CCDC15: variants seen among roughly 807,000 people sequenced by gnomAD.
The protein encoded by CCDC15 is coiled-coil domain-containing protein 15.
CCDC15 carries 105 observed loss-of-function variants against 114.5 expected under a neutral mutation model. The ratio of observed to expected loss-of-function variants is 0.92; its 90% CI spans 0.78 to 1.08. The LOEUF is 1.08. Among genes scored for constraint, CCDC15 ranks in the 50% least tolerant of loss-of-function variants. CCDC15 has a pLI of 0.00. For missense variants in CCDC15, 1,105 were observed against 1,093.6 expected (o/e 1.01, Z -0.15); for synonymous variants, 334 against 377.8 (o/e 0.88, Z 1.34).
intron 6 of CCDC15, among the ~76,000 whole-genome samples, chr11:124,982,999 C>A (rs966893449): frequency 3.9e-5 from 6 of 151,988 alleles, no homozygotes; most frequent in Admixed American, 2.0e-4. Flanking sequence ...CTTCTTTATT[C>A]TTTTTTCTTT....
At chr11:124,997,001 G>C (rs1353225418) in intron 11 of CCDC15, among the ~76,000 whole-genome samples, 2 of 152,082 alleles carry the variant, frequency 1.3e-5, no homozygotes, top group East Asian at 3.8e-4. Context: ...GTTGTGTAAG[G>C]TTCCTTTTGC....
intron 5 of CCDC15, among the ~76,000 whole-genome samples, chr11:124,975,647 A>G (rs749285465): frequency 1.3e-5 from 2 of 152,150 alleles, no homozygotes; most frequent in Non-Finnish European, 2.9e-5. Context: ...AATATAGAAT[A>G]TAATTTCAAG....
At chr11:125,032,677 G>A (rs1001314117) in intron 13 of CCDC15, among the ~76,000 whole-genome samples, 9 of 152,248 alleles carry the variant, frequency 5.9e-5, no homozygotes, top group East Asian at 3.9e-4. Flanking sequence ...CTTTCCCACC[G>A]TAATAGCCCT....
chr11:124,958,003 G>C (rs1228332362), intron 2 of CCDC15, among the ~76,000 whole-genome samples: 1 of 152,144 alleles, frequency 6.6e-6, no homozygotes, highest in Non-Finnish European at 1.5e-5. Context: ...CTACTAGTTA[G>C]CTATATTAAA....
At chr11:124,988,480 A>G (rs887428442) in intron 8 of CCDC15, among the ~76,000 whole-genome samples, 3 of 152,162 alleles carry the variant, frequency 2.0e-5, no homozygotes, top group African/African-American at 2.4e-5. Flanking sequence ...GTCTTGGCTC[A>G]ATGTTGTTAT....
intron 6 of CCDC15, among the ~76,000 whole-genome samples, chr11:124,982,836 T>C (rs907705120): frequency 3.3e-5 from 5 of 152,214 alleles, no homozygotes; most frequent in Admixed American, 2.6e-4. Flanking sequence ...AATGTTGGCC[T>C]CTCTAGCCAG....
At chr11:124,957,032 A>G (rs1326888411) in intron 2 of CCDC15, among the ~76,000 whole-genome samples, 1 of 152,226 alleles carries the variant, frequency 6.6e-6, no homozygotes, top group Non-Finnish European at 1.5e-5. Flanking sequence ...CTGCTGTTCT[A>G]TCATCATATA....
At chr11:125,010,144 C>A (rs1948580082) in intron 13 of CCDC15, among the ~76,000 whole-genome samples, 1 of 152,168 alleles carries the variant, frequency 6.6e-6, no homozygotes, top group Non-Finnish European at 1.5e-5. Context: ...AATGAATAAG[C>A]ATTCCCTTTT....
chr11:125,031,227 T>A (rs1457363363), intron 13 of CCDC15, among the ~76,000 whole-genome samples: 2 of 152,232 alleles, frequency 1.3e-5, no homozygotes, highest in Non-Finnish European at 2.9e-5. Context: ...CTGTCCACTT[T>A]CGGGTGATGC....
chr11:124,987,768 G>A lies in CCDC15; in HGVS notation c.1542G>A (p.Gln514=). Residue 514 remains glutamine (Q), a synonymous_variant, in exon 8 of 16, where the codon CAG becomes CAA. Coordinates refer to ENST00000344762, the MANE Select transcript of CCDC15 (RefSeq NM_025004.3). ...PKDQNFLSRD[Q]HVLPKDQNIL... The stretch of plus-strand genomic sequence containing the variant: ...ACCAGAATTTTTTGTCTAGAGACCA[G>A]CATGTTCTCCCCAAAGACCAGAATA... 1 of 1,613,918 alleles carries A rather than the reference G, an allele frequency of 6.2e-7. No individual in the cohort carries two copies. The highest frequency in any genetic ancestry group is 1.1e-5 in the South Asian group (1 of 91,078).
rs534366709 is a variant in CCDC15, at chr11:125,002,096, C to G, written c.2215-1771C>G. ...TATCTGTATTTTTAATTATTGCCAT[C>G]CAAGTGGGTGTGAAGTAGCATCTCA... On this transcript the variant is annotated intron_variant, in intron 11 of 15. Coordinates refer to ENST00000344762, the MANE Select transcript of CCDC15 (RefSeq NM_025004.3). Among the ~76,000 whole-genome samples the G allele has an allele frequency of 2.0e-5, 3 of 152,208 alleles. No individual in the cohort carries two copies. The South Asian group carries it at 6.2e-4, about 32-fold the overall frequency.
intron 8 of CCDC15, among the ~76,000 whole-genome samples, 180 bp from the exon 9 acceptor site, chr11:124,991,281 A>G (rs374707519): frequency 3.3e-5 from 5 of 152,206 alleles, no homozygotes; most frequent in East Asian, 3.9e-4. Flanking sequence ...GAAGCTTTCA[A>G]AGGTTGTTCT....
chr11:124,988,794 A>G (rs763555481), intron 8 of CCDC15, among the ~76,000 whole-genome samples: 2 of 152,240 alleles, frequency 1.3e-5, no homozygotes, highest in Admixed American at 6.5e-5. Flanking sequence ...TCATCATAAG[A>G]AGTAACTCCT....
At chr11:124,983,880 G>A (rs1352320289) in intron 6 of CCDC15, among the ~76,000 whole-genome samples, 1 of 152,144 alleles carries the variant, frequency 6.6e-6, no homozygotes, top group Non-Finnish European at 1.5e-5. Flanking sequence ...ACCAGAGGAT[G>A]GAGCGGCGGG....
At chr11:124,966,330 T>G (rs946630036) in intron 4 of CCDC15, among the ~76,000 whole-genome samples, 2 of 152,244 alleles carry the variant, frequency 1.3e-5, no homozygotes, top group Admixed American at 1.3e-4. Flanking sequence ...TGCTCCTGTA[T>G]TGGGTGTATA....
chr11:124,965,929 G>C (rs1441802003), intron 4 of CCDC15, among the ~76,000 whole-genome samples: 1 of 152,192 alleles, frequency 6.6e-6, no homozygotes, highest in East Asian at 1.9e-4. Flanking sequence ...AGGTTGTCCA[G>C]TTTCCATGTA....
At chr11:125,004,079 TA>T in intron 12 of CCDC15, 120 bp downstream of exon 12, 3 of 481,100 alleles carry the variant, frequency 6.2e-6, no homozygotes, top group Non-Finnish European at 1.1e-5. Context: ...ACAAATTTCA[TA>T]AATCAAATAA....
intron 4 of CCDC15, among the ~76,000 whole-genome samples, chr11:124,964,973 G>A (rs1234841542): frequency 6.6e-6 from 1 of 152,056 alleles, no homozygotes; most frequent in Admixed American, 6.5e-5. Flanking sequence ...AACCAGCCTT[G>A]CATCCCAGGG....
At position 124,959,284 on chromosome 11, in the gene CCDC15, T is replaced by C. The variant is rs1947613918; in HGVS notation, c.327+20T>C. 1.3e-6 allele frequency: 2 copies of C among 1,544,758 alleles called. No homozygotes were observed. Among genetic ancestry groups the C allele is most frequent in the South Asian group, 2.6e-5 (2 of 77,852 alleles). ...GAAAGAGTAAGTTCAAAAGTGAGCC[T>C]GAGTAAAGATTGAATGGAAAATATG... On this transcript the variant is annotated intron_variant, in intron 3 of 15. Coordinates refer to ENST00000344762, the MANE Select transcript of CCDC15 (RefSeq NM_025004.3).
Sources: allele counts gnomAD v4.1 joint callset (sites outside exome capture counted in the v4.1 genomes callset), GRCh38; gene constraint gnomAD v4.1.1; transcripts MANE v1.5; gene names NCBI Gene and HGNC (gene_info 2026-07-23, HGNC 2026-07-21).